RAD23B: variants seen among roughly 807,000 people sequenced by gnomAD.
The protein encoded by RAD23B is RAD23 nucleotide excision repair protein B.
RAD23B carries 5 observed loss-of-function variants against 49.1 expected under a neutral mutation model. That is an observed-to-expected ratio of 0.10 (90% CI 0.05 to 0.21). The LOEUF is 0.21. Ranked by LOEUF, RAD23B falls within the 10% of genes least tolerant of loss-of-function variation. RAD23B has a pLI of 1.00. For missense variants in RAD23B, 356 were observed against 486.7 expected (o/e 0.73, Z 2.53); for synonymous variants, 184 against 165.4 (o/e 1.11, Z -0.86).
At chr9:107,313,392 AT>A (rs1323998280) in intron 5 of RAD23B, among the ~76,000 whole-genome samples, 2 of 151,934 alleles carry the variant, frequency 1.3e-5, no homozygotes, top group African/African-American at 4.8e-5. Context: ...CGCCCGACTA[AT>A]TTTGTGTATT....
At chr9:107,298,668 A>C (rs1331054299) in intron 1 of RAD23B, among the ~76,000 whole-genome samples, 1 of 149,602 alleles carries the variant, frequency 6.7e-6, no homozygotes, top group African/African-American at 2.4e-5. Flanking sequence ...CCACATTAGA[A>C]ATTAAAACAA....
intron 1 of RAD23B, chr9:107,284,050 A>G (rs1833219675): frequency 1.9e-6 from 2 of 1,030,592 alleles, no homozygotes; most frequent in African/African-American, 1.7e-5. Context: ...GTATGGGTGC[A>G]CAGGTGGGGG....
chr9:107,306,057 A>C (rs1440030945), intron 3 of RAD23B, among the ~76,000 whole-genome samples: 21 of 87,350 alleles, frequency 2.4e-4, no homozygotes, highest in South Asian at 1.9e-3. Flanking sequence ...ATATCTATAT[A>C]TATATATATA....
chr9:107,329,647 T>C lies in RAD23B; in HGVS notation c.1221T>C (p.Asp407=). ...AANFLLQQNF[D]ED ...ATTTTCTTCTACAGCAGAACTTTGATGAAGATTGAAAGGGACTTTTTTATA... is the reference window on the plus strand; with the variant it reads ...ATTTTCTTCTACAGCAGAACTTTGACGAAGATTGAAAGGGACTTTTTTATA... The change falls in exon 10 of 10, where the codon GAT becomes GAC. Residue 407 remains aspartate, a synonymous_variant. Transcript: ENST00000358015. The C allele has an allele frequency of 6.2e-7, 1 of 1,608,768 alleles. No individual in the cohort carries two copies.
At chr9:107,309,899 C>T (rs35865856) in intron 4 of RAD23B, among the ~76,000 whole-genome samples, 1 of 144,350 alleles carries the variant, frequency 6.9e-6, no homozygotes, top group African/African-American at 2.6e-5. Context: ...CCGCTGCACT[C>T]CAGCCTGGGC....
chr9:107,318,982 A>G lies in RAD23B; in HGVS notation c.681+103A>G, dbSNP rs1193017517. 1.2e-5 allele frequency: 13 copies of G among 1,129,360 alleles called. No individual in the cohort carries two copies. Among genetic ancestry groups the G allele is most frequent in the Non-Finnish European group, 1.2e-6 (1 of 823,328 alleles). 70.0% of individuals were successfully genotyped at this position (1,129,360 alleles called of 1,614,324 possible). Reference sequence around the variant, plus strand: ...TTCACTTGTCACTGATATATGCTAGATGATATACATAATGCTTTTTTTTTT... The same window carrying G: ...TTCACTTGTCACTGATATATGCTAGGTGATATACATAATGCTTTTTTTTTT... On this transcript the variant is annotated intron_variant, in intron 6 of 9. Transcript: ENST00000358015. This position sits in a 1 kb window ranked among gnomAD's most constrained non-coding sequence, Gnocchi z 4.3.
intron 7 of RAD23B, 60 bp downstream of exon 7, chr9:107,322,178 T>G (rs1827123610): frequency 9.4e-6 from 14 of 1,492,538 alleles, no homozygotes; most frequent in African/African-American, 1.4e-5. Flanking sequence ...GTAAAATAAT[T>G]TAACCTGAAA....
At chr9:107,284,149 A>G (rs916746453) in intron 1 of RAD23B, 7 of 988,614 alleles carry the variant, frequency 7.1e-6, no homozygotes, top group African/African-American at 1.7e-5. Context: ...ATGAGCCTTA[A>G]GAAAAAAAAA....
At chr9:107,326,474 CTG>C (rs1197462222) in intron 9 of RAD23B, among the ~76,000 whole-genome samples, 1 of 121,464 alleles carries the variant, frequency 8.2e-6, no homozygotes, top group African/African-American at 3.4e-5. Flanking sequence ...GAGCGAGACT[CTG>C]TCTCAAAAAA....
At chr9:107,316,606 T>C (rs1587860207) in intron 5 of RAD23B, among the ~76,000 whole-genome samples, 1 of 152,158 alleles carries the variant, frequency 6.6e-6, no homozygotes, top group Admixed American at 6.5e-5. Flanking sequence ...AAAAGGAAAG[T>C]CATTATTTTA....
At chr9:107,301,873 AT>A (rs1166768065) in intron 2 of RAD23B, among the ~76,000 whole-genome samples, 161 bp from the exon 3 acceptor site, 1 of 151,984 alleles carries the variant, frequency 6.6e-6, no homozygotes, top group African/African-American at 2.4e-5. Flanking sequence ...ATCTTGATTG[AT>A]TGGTTTTTCT....
chr9:107,323,753 T>C (rs929061373), intron 7 of RAD23B, 137 bp from the exon 8 acceptor site: 8 of 861,588 alleles, frequency 9.3e-6, no homozygotes, highest in Non-Finnish European at 1.5e-5. Flanking sequence ...ATTTCATCAT[T>C]ATTTACTTCA....
intron 7 of RAD23B, 86 bp from the exon 8 acceptor site, chr9:107,323,804 A>G (rs1017885941): frequency 8.4e-7 from 1 of 1,196,572 alleles, no homozygotes; most frequent in Non-Finnish European, 1.2e-6. Flanking sequence ...TTTCTTTGAT[A>G]GTGTTTGCTG....
intron 1 of RAD23B, among the ~76,000 whole-genome samples, chr9:107,286,106 C>T (rs1227493138): frequency 6.6e-6 from 1 of 152,064 alleles, no homozygotes; most frequent in Non-Finnish European, 1.5e-5. Flanking sequence ...ACAGATTTGT[C>T]CTTGTTTAAT....
chr9:107,284,189 T>G (rs1587843023), intron 1 of RAD23B: 2 of 985,624 alleles, frequency 2.0e-6, no homozygotes, highest in Non-Finnish European at 2.4e-6. Flanking sequence ...CGCCGAGAGG[T>G]GAGTGGTGGT....
intron 4 of RAD23B, among the ~76,000 whole-genome samples, chr9:107,307,421 G>T (rs973435528): frequency 6.6e-6 from 1 of 152,204 alleles, no homozygotes; most frequent in Non-Finnish European, 1.5e-5. Context: ...AGTTCTCTTG[G>T]TTGGAAATCA....
At chr9:107,304,714 A>G (rs1365063804) in intron 3 of RAD23B, among the ~76,000 whole-genome samples, 1 of 152,190 alleles carries the variant, frequency 6.6e-6, no homozygotes, top group Non-Finnish European at 1.5e-5. Context: ...AAAGTTATGA[A>G]CTAAACAGGT....
At chr9:107,325,354 A>G (rs1358265484) in intron 9 of RAD23B, among the ~76,000 whole-genome samples, 1 of 149,892 alleles carries the variant, frequency 6.7e-6, no homozygotes, top group Non-Finnish European at 1.5e-5. Context: ...CCTTAGTCAC[A>G]CTAGCCCCAT....
chr9:107,321,255 TTAAGTATCTCATTTATGAGATACTTTAAG>T (rs1208198724), intron 6 of RAD23B, among the ~76,000 whole-genome samples: 3 of 916 alleles, frequency 3.3e-3, no homozygotes, highest in African/African-American at 0.016. Flanking sequence ...TTGAGATACT[TTAAGTATCTCATTTATGAGATACTTTAAG>T]TATCTCATTT....
Sources: allele counts gnomAD v4.1 joint callset (sites outside exome capture counted in the v4.1 genomes callset), GRCh38; gene constraint gnomAD v4.1.1; non-coding constraint Gnocchi (gnomAD v3.1); transcripts MANE v1.5; gene names NCBI Gene and HGNC (gene_info 2026-07-23, HGNC 2026-07-21).